Variants in CCDC3 observed in about 807,000 individuals in gnomAD.
The protein encoded by CCDC3 is coiled-coil domain-containing protein 3.
A neutral mutation model predicts 21.4 loss-of-function variants in CCDC3; 24 were observed. The observed-to-expected ratio is 1.12, with a 90% confidence interval of 0.81 to 1.58. The LOEUF (loss-of-function observed/expected upper bound fraction) is 1.58. CCDC3 is among the 40% of genes most tolerant of loss of function. CCDC3 has a pLI of 0.00. For missense variants in CCDC3, 425 were observed against 360.9 expected (o/e 1.18, Z -1.44); for synonymous variants, 186 against 166.0 (o/e 1.12, Z -0.93).
At chr10:13,089,187 AAG>A (rs1290879361) in intron 3 of CCDC3, among the ~76,000 whole-genome samples, 1 of 152,204 alleles carries the variant, frequency 6.6e-6, no homozygotes, top group East Asian at 1.9e-4. Context: ...ACTCTTTAGA[AAG>A]AGTCGTCTTA....
At position 13,001,254 on chromosome 10, in the gene CCDC3, T is replaced by A; in HGVS notation, c.317A>T (p.Tyr106Phe). The change falls in exon 1 of 3, where the codon TAC becomes TTC. Residue 106 changes from tyrosine to phenylalanine, a missense_variant. Tyr to Phe is a conservative substitution (Grantham distance 22, BLOSUM62 3). Transcript: ENST00000378825. ...GSRLNLTGLG[Y>F]FSCHSHTVVQ... is the part of the protein sequence containing the mutation. ...CACGGTGTGGGAGTGGCACGAGAAG[T>A]AGCCCAGGCCGGTGAGGTTGAGCCT... 6.3e-7 allele frequency: 1 copy of A among 1,592,566 alleles called. No individual in the cohort carries two copies. Among genetic ancestry groups the A allele is most frequent in the Non-Finnish European group, 8.5e-7 (1 of 1,170,610 alleles).
intron 5 of CCDC3, among the ~76,000 whole-genome samples, chr10:13,047,098 A>C (rs1370431372): frequency 6.6e-6 from 1 of 152,224 alleles, no homozygotes; most frequent in African/African-American, 2.4e-5. Context: ...GAGACAGAAC[A>C]GAGAGACTCC....
intron 5 of CCDC3, among the ~76,000 whole-genome samples, chr10:13,015,561 C>A (rs1026340603): frequency 6.6e-6 from 1 of 151,994 alleles, no homozygotes; most frequent in African/African-American, 2.4e-5. Flanking sequence ...GGTGTTATGA[C>A]CCCCAATTTA....
At chr10:13,065,581 C>T (rs932521070) in intron 4 of CCDC3, among the ~76,000 whole-genome samples, 1 of 152,260 alleles carries the variant, frequency 6.6e-6, no homozygotes, top group Non-Finnish European at 1.5e-5. Flanking sequence ...TTAATAATTA[C>T]GATATGAAGC....
chr10:12,910,841 C>T (rs1161540563), intron 2 of CCDC3, among the ~76,000 whole-genome samples: 1 of 152,092 alleles, frequency 6.6e-6, no homozygotes, highest in Non-Finnish European at 1.5e-5. Context: ...ATGATCCACC[C>T]ACCTTGGCCT....
At chr10:13,036,660 T>C (rs140673317) in intron 5 of CCDC3, among the ~76,000 whole-genome samples, 4,226 of 150,736 alleles carry the variant, frequency 0.028, 132 homozygotes, top group Admixed American at 0.11. Flanking sequence ...AATTTTTGTA[T>C]TTTTAGTAGA....
rs138955740 is a variant in CCDC3 at position 12,911,738 on chromosome 10, T to C, written c.550-13059A>G. Among the ~76,000 whole-genome samples, 64 of 152,340 alleles carry C rather than the reference T, an allele frequency of 4.2e-4. 1 individual carries two copies. In the East Asian group the frequency reaches 0.011, roughly 26 times the overall value. Reference sequence around the variant, plus strand: ...GTATTGTTATTAACTGTAGCCACCATGATGTCCATTAGATCTCCTGAAGTT... The same window carrying C: ...GTATTGTTATTAACTGTAGCCACCACGATGTCCATTAGATCTCCTGAAGTT... On this transcript the variant is annotated intron_variant, in intron 2 of 2. Transcript: ENST00000378825.
chr10:12,946,880 T>C (rs1834923613), intron 2 of CCDC3, among the ~76,000 whole-genome samples: 1 of 152,160 alleles, frequency 6.6e-6, no homozygotes, highest in Non-Finnish European at 1.5e-5. Flanking sequence ...AAATTATACT[T>C]TCCTAAAGAT....
At chr10:13,017,244 C>T (rs112505609) in intron 5 of CCDC3, among the ~76,000 whole-genome samples, 33 of 151,948 alleles carry the variant, frequency 2.2e-4, no homozygotes, top group East Asian at 1.9e-4. Flanking sequence ...TGGCCAGGCA[C>T]GGTGGCTCAC....
At chr10:13,028,745 G>A (rs1311548079) in intron 5 of CCDC3, among the ~76,000 whole-genome samples, 4 of 152,122 alleles carry the variant, frequency 2.6e-5, no homozygotes, top group South Asian at 2.1e-4. Flanking sequence ...ATAGAAATAT[G>A]AATATTTAGG....
chr10:12,947,859 G>A (rs1403793296), intron 2 of CCDC3, among the ~76,000 whole-genome samples: 1 of 152,226 alleles, frequency 6.6e-6, no homozygotes, highest in African/African-American at 2.4e-5. Context: ...TGACAATCCT[G>A]TGGTGTGCCT....
chr10:12,918,495 G>C (rs1478412556), intron 2 of CCDC3, among the ~76,000 whole-genome samples: 1 of 152,062 alleles, frequency 6.6e-6, no homozygotes, highest in Non-Finnish European at 1.5e-5. Flanking sequence ...TTCCTAATCA[G>C]GGAACCAAAG....
intron 2 of CCDC3, among the ~76,000 whole-genome samples, chr10:12,906,826 A>G (rs1454466286): frequency 2.6e-5 from 4 of 152,094 alleles, no homozygotes; most frequent in African/African-American, 9.7e-5. Context: ...AGCTTTTGTG[A>G]TTGTCGTTCG....
At chr10:12,957,599 C>T (rs72777425) in intron 2 of CCDC3, among the ~76,000 whole-genome samples, 4 of 151,940 alleles carry the variant, frequency 2.6e-5, no homozygotes, top group African/African-American at 4.8e-5. Context: ...CAAATGGCTT[C>T]GCACCATTCC....
At chr10:13,026,575 C>G (rs1385942550) in intron 5 of CCDC3, among the ~76,000 whole-genome samples, 1 of 152,110 alleles carries the variant, frequency 6.6e-6, no homozygotes. Flanking sequence ...TGGGATATAT[C>G]TTTTTCACAT....
intron 2 of CCDC3, among the ~76,000 whole-genome samples, chr10:12,944,707 C>T (rs1264417312): frequency 2.0e-5 from 3 of 152,170 alleles, no homozygotes; most frequent in South Asian, 2.1e-4. Context: ...AAATATAATA[C>T]AGACTCATAA....
At chr10:13,058,450 G>C in intron 4 of CCDC3, 1 of 759,300 alleles carries the variant, frequency 1.3e-6, no homozygotes, top group Non-Finnish European at 2.4e-6. Flanking sequence ...CATATGCTGC[G>C]CAGACTATCA....
intron 2 of CCDC3, among the ~76,000 whole-genome samples, chr10:12,930,782 C>G (rs570620813): frequency 6.6e-6 from 1 of 152,304 alleles, no homozygotes; most frequent in East Asian, 1.9e-4. Context: ...AACAAAGAAT[C>G]ACCCACTCCC....
chr10:13,016,732 A>G (rs768682274), intron 5 of CCDC3, among the ~76,000 whole-genome samples: 1 of 152,006 alleles, frequency 6.6e-6, no homozygotes, highest in Non-Finnish European at 1.5e-5. Context: ...TTTTATGTTG[A>G]AACTCTGTTG....
Sources: allele counts gnomAD v4.1 joint callset (sites outside exome capture counted in the v4.1 genomes callset), GRCh38; gene constraint gnomAD v4.1.1; transcripts MANE v1.5; gene names NCBI Gene and HGNC (gene_info 2026-07-23, HGNC 2026-07-21).